Variants in MYO10 observed in about 807,000 individuals in gnomAD.
MYO10 encodes myosin X.
Under a neutral mutation model 257.3 loss-of-function variants are expected in MYO10, and 133 were observed. That is an observed-to-expected ratio of 0.52 (90% CI 0.45 to 0.60). MYO10 has a LOEUF of 0.60. Ranked by LOEUF, MYO10 falls within the 20% of genes least tolerant of loss-of-function variation. The pLI is 0.00. For missense variants in MYO10, 2,399 were observed against 2,635.7 expected (o/e 0.91, Z 1.97); for synonymous variants, 1,104 against 1,028.6 (o/e 1.07, Z -1.40).
At chr5:16,730,580 C>T (rs745745344) in intron 19 of MYO10, among the ~76,000 whole-genome samples, 1 of 152,182 alleles carries the variant, frequency 6.6e-6, no homozygotes, top group South Asian at 2.1e-4. Context: ...CAGAGGTCAA[C>T]AGGGGCAGCA....
At chr5:16,811,586 G>A (rs781729320) in intron 3 of MYO10, among the ~76,000 whole-genome samples, 1 of 152,094 alleles carries the variant, frequency 6.6e-6, no homozygotes, top group Non-Finnish European at 1.5e-5. Context: ...GTCTTGCTCT[G>A]TTGCCCAGGC....
intron 38 of MYO10, 48 bp downstream of exon 38, chr5:16,671,374 C>T (rs1243082916): frequency 1.2e-6 from 2 of 1,604,754 alleles, no homozygotes; most frequent in Non-Finnish European, 1.7e-6. Context: ...TAACAGGTTT[C>T]ACCCTTGCTT....
Position 16,768,500 on chromosome 5 carries a change from G to A in MYO10, c.1060+574C>T, listed in dbSNP as rs1008293769. 9.9e-5 allele frequency among the ~76,000 whole-genome samples: 15 copies of A among 151,916 alleles called. No homozygotes were observed. The East Asian group carries it at 1.6e-3, about 16-fold the overall frequency. ...GATTCCTGGTTGCTCATATTTCCAC[G>A]TACTTGACTCATTTTCCTTCTTTTT... On this transcript the variant is annotated intron_variant, in intron 10 of 40. Coordinates refer to ENST00000513610, the MANE Select transcript of MYO10 (RefSeq NM_012334.3).
chr5:16,746,249 T>C (rs1740192762), intron 19 of MYO10, among the ~76,000 whole-genome samples: 1 of 152,200 alleles, frequency 6.6e-6, no homozygotes, highest in African/African-American at 2.4e-5. Flanking sequence ...GAGGTCACTC[T>C]CGTGGCCATC....
rs1338707973 is a variant in MYO10 at position 16,711,132 on chromosome 5, G to C, written c.2043C>G (p.Asp681Glu). 1 of 1,613,952 alleles carries C rather than the reference G, an allele frequency of 6.2e-7. No individual in the cohort carries two copies. Among genetic ancestry groups the C allele is most frequent in the East Asian group, 2.2e-5 (1 of 44,876 alleles). ...CAGCTCCCTCTTGCCTTTTGTAAAA[G>C]TCCTGAAAGGGTCTTCGGACCGCAT... ...AGYAVRRPFQ[D>E]FYKRYKVLMR... The change falls in exon 20 of 41, where the codon GAC (aspartate) becomes GAG (glutamate). Residue 681 changes from aspartate (D) to glutamate (E), a missense_variant. Transcript: ENST00000513610.
chr5:16,908,971 G>A (rs956458574), intron 1 of MYO10, among the ~76,000 whole-genome samples: 2 of 152,194 alleles, frequency 1.3e-5, no homozygotes, highest in African/African-American at 4.8e-5. Context: ...TGGGAAGAAG[G>A]GAGAATAAGG....
chr5:16,736,428 A>G (rs1257493057), intron 19 of MYO10, among the ~76,000 whole-genome samples: 3 of 152,198 alleles, frequency 2.0e-5, no homozygotes, highest in Non-Finnish European at 4.4e-5. Flanking sequence ...CTGCTCTGAG[A>G]GAGGGTCAGT....
chr5:16,796,479 A>AAAAG lies in MYO10; in HGVS notation c.280-1650_280-1647dup, dbSNP rs745544739. Among the ~76,000 whole-genome samples the AAAAG allele has an allele frequency of 4.1e-4, 48 of 116,164 alleles. 1 individual carries two copies. The East Asian group carries it at 4.2e-3, about 10-fold the overall frequency. The allele number at this position is 116,164 out of a possible 152,430, so 76.2% of individuals were successfully genotyped here. On this transcript the variant is annotated intron_variant, in intron 3 of 40. Transcript: ENST00000513610. ...AAGAAAGAAAGAAAGAAAAGAAAAG[A>AAAAG]AAAGAAAGAAAGAAAGAAGGAAAAT... is the stretch of plus-strand genomic sequence containing the variant.
At chr5:16,817,008 T>C (rs1291790402) in intron 3 of MYO10, among the ~76,000 whole-genome samples, 1 of 151,500 alleles carries the variant, frequency 6.6e-6, no homozygotes, top group African/African-American at 2.4e-5. Flanking sequence ...TTAGTAGAGA[T>C]GGGATTTCAC....
In MYO10 at chr5:16,727,741, A is replaced by C. The variant is rs562765269; in HGVS notation, c.1930-16496T>G. ...AACTTTGATTTTTGTTTTTTAAAAC[A>C]AACTGTTGAAGCCAGCATCTTCCTT... On this transcript the variant is annotated intron_variant, in intron 19 of 40. Transcript: ENST00000513610. 1.3e-4 allele frequency among the ~76,000 whole-genome samples: 20 copies of C among 152,328 alleles called. No individual in the cohort carries two copies. The East Asian group carries it at 3.1e-3, about 24-fold the overall frequency.
intron 3 of MYO10, among the ~76,000 whole-genome samples, chr5:16,797,792 GACTGCTTC>G (rs1318023002): frequency 3.3e-5 from 5 of 152,240 alleles, no homozygotes; most frequent in Non-Finnish European, 7.3e-5. Flanking sequence ...AGAGGGGAAT[GACTGCTTC>G]ACTGGTACAG....
intron 19 of MYO10, among the ~76,000 whole-genome samples, chr5:16,744,389 T>C (rs140105299): frequency 2.1e-3 from 322 of 152,158 alleles, no homozygotes; most frequent in African/African-American, 7.2e-3. Context: ...CAAGGTGTAG[T>C]GATGAGGCCT....
At chr5:16,819,942 T>TA (rs925157741) in intron 2 of MYO10, among the ~76,000 whole-genome samples, 3 of 152,194 alleles carry the variant, frequency 2.0e-5, no homozygotes, top group Non-Finnish European at 2.9e-5. Flanking sequence ...ACCCGTCTCT[T>TA]ATGAAGAAAA....
chr5:16,691,393 T>G (rs1737496388), intron 27 of MYO10, among the ~76,000 whole-genome samples: 1 of 149,020 alleles, frequency 6.7e-6, no homozygotes, highest in South Asian at 2.1e-4. Context: ...TGAGATGAAA[T>G]ATTTAAAAAA....
Position 16,674,985 on chromosome 5 carries a change from A to G in MYO10, c.4832T>C (p.Ile1611Thr). Residue 1611 changes from isoleucine (I) to threonine (T), a missense_variant, in exon 35 of 41, where the codon ATC (isoleucine) becomes ACC (threonine). This residue lies in a region of MYO10 where 1,820 missense variants were observed against 1,939.4 expected (regional missense o/e 0.94). Transcript: ENST00000513610. Reference protein sequence around the residue: ...PLRDELYCQLIKQTNKVPHPG... With the variant: ...PLRDELYCQLTKQTNKVPHPG... ...GTGGGGCACTTTGTTGGTCTGTTTG[A>G]TAAGCTGGCAGTACAGCTCGTCCCG... The G allele has an allele frequency of 2.5e-6, 4 of 1,613,994 alleles. No individual in the cohort carries two copies. Among genetic ancestry groups the G allele is most frequent in the Non-Finnish European group, 3.4e-6 (4 of 1,179,900 alleles).
intron 2 of MYO10, among the ~76,000 whole-genome samples, chr5:16,852,083 C>G (rs1580074119): frequency 7.9e-6 from 1 of 126,318 alleles, no homozygotes; most frequent in South Asian, 2.7e-4. Flanking sequence ...AAAAAGAAGA[C>G]TTACTGATCA....
intron 19 of MYO10, among the ~76,000 whole-genome samples, chr5:16,747,173 T>C (rs570787809): frequency 2.0e-5 from 3 of 152,212 alleles, no homozygotes; most frequent in East Asian, 1.9e-4. Flanking sequence ...AGGGGTCAGC[T>C]GAGGGAGGTA....
At chr5:16,705,080 G>A (rs1738269454) in intron 21 of MYO10, among the ~76,000 whole-genome samples, 1 of 152,140 alleles carries the variant, frequency 6.6e-6, no homozygotes. Context: ...ATGATTCAGA[G>A]ATACAGAAAG....
intron 1 of MYO10, among the ~76,000 whole-genome samples, chr5:16,893,361 C>G (rs964638841): frequency 6.6e-6 from 1 of 152,068 alleles, no homozygotes; most frequent in Non-Finnish European, 1.5e-5. Context: ...CTGCTGGGCA[C>G]CATGGCTCAC....
Sources: gnomAD v4.1 joint callset for allele counts (sites outside exome capture counted in the v4.1 genomes callset) on GRCh38, gnomAD v4.1.1 for gene constraint, gnomAD v4.1.1 regional missense constraint, MANE v1.5 for transcripts, NCBI Gene and HGNC (gene_info 2026-07-23, HGNC 2026-07-21) for gene names.